Variants in GSG1L observed in about 807,000 individuals in gnomAD.
GSG1L encodes the protein GSG1 like, also known as germ cell-specific gene 1-like protein.
GSG1L carries 24 observed loss-of-function variants against 42.1 expected under a neutral mutation model. That is an observed-to-expected ratio of 0.57 (90% CI 0.41 to 0.80). The LOEUF is 0.80. Ranked by LOEUF, GSG1L falls within the 30% of genes least tolerant of loss-of-function variation. The pLI is 0.00. For synonymous variants in GSG1L, 215 were observed against 203.5 expected, an observed-to-expected ratio of 1.06 and a Z score of -0.48; for missense variants, 445 against 472.2, an observed-to-expected ratio of 0.94 and a Z score of 0.53.
rs147533041 is a variant in GSG1L at position 27,840,619 on chromosome 16, G to A, written c.662+4331C>T. On this transcript the variant is annotated intron_variant, in intron 4 of 6. Transcript: ENST00000447459. ...CGTGTTGGTTACTGTCTCCAAAGCT[G>A]GCCTCCAGGGAGCCACACCTCCCGC... Among the ~76,000 whole-genome samples the A allele has an allele frequency of 1.4e-4, 22 of 152,298 alleles. No individual in the cohort carries two copies. In the East Asian group the frequency reaches 4.2e-3, roughly 29 times the overall value.
intron 2 of GSG1L, among the ~76,000 whole-genome samples, chr16:27,927,828 G>C (rs917459394): frequency 6.6e-6 from 1 of 152,146 alleles, no homozygotes; most frequent in Admixed American, 6.5e-5. Flanking sequence ...AGTTTAAGGA[G>C]CATCGATGCC....
intron 5 of GSG1L, among the ~76,000 whole-genome samples, chr16:27,827,042 G>C (rs1373007738): frequency 6.6e-6 from 1 of 152,170 alleles, no homozygotes; most frequent in Non-Finnish European, 1.5e-5. Flanking sequence ...TTCCATCACT[G>C]TGCAACCTTA....
At chr16:27,985,625 C>A (rs2085373622) in intron 1 of GSG1L, among the ~76,000 whole-genome samples, 1 of 152,012 alleles carries the variant, frequency 6.6e-6, no homozygotes, top group Non-Finnish European at 1.5e-5. Context: ...GGGCAGATCA[C>A]CTGAGGTCGG....
At chr16:27,852,220 A>T (rs533774329) in intron 3 of GSG1L, among the ~76,000 whole-genome samples, 3 of 152,356 alleles carry the variant, frequency 2.0e-5, no homozygotes, top group African/African-American at 7.2e-5. Context: ...GACTTGAGAC[A>T]CAGAGGGGCT....
chr16:27,831,660 C>A (rs2083275606), intron 4 of GSG1L, among the ~76,000 whole-genome samples: 2 of 152,130 alleles, frequency 1.3e-5, no homozygotes, highest in Non-Finnish European at 2.9e-5. Context: ...AGCCCAAGGG[C>A]CCCAGAAACA....
chr16:28,046,854 C>T (rs1282430150), intron 1 of GSG1L, among the ~76,000 whole-genome samples: 3 of 152,210 alleles, frequency 2.0e-5, no homozygotes, highest in South Asian at 4.1e-4. Flanking sequence ...TCACCTGTGG[C>T]CGACTTCCTC....
intron 1 of GSG1L, among the ~76,000 whole-genome samples, chr16:28,014,851 T>C (rs1287094047): frequency 6.6e-6 from 1 of 152,092 alleles, no homozygotes; most frequent in African/African-American, 2.4e-5. Flanking sequence ...CTATTTGGTA[T>C]AATAAACCTT....
intron 3 of GSG1L, among the ~76,000 whole-genome samples, chr16:27,883,362 A>G (rs1223591265): frequency 6.6e-6 from 1 of 152,056 alleles, no homozygotes; most frequent in Non-Finnish European, 1.5e-5. Context: ...ATGGAGGCCA[A>G]ATCCCACATT....
At chr16:27,990,104 A>G (rs1051073312) in intron 1 of GSG1L, among the ~76,000 whole-genome samples, 1 of 152,224 alleles carries the variant, frequency 6.6e-6, no homozygotes, top group Non-Finnish European at 1.5e-5. Flanking sequence ...CCCAACATCA[A>G]GCAGAACAAG....
At chr16:27,811,862 G>A (rs181532885) in intron 5 of GSG1L, among the ~76,000 whole-genome samples, 4 of 152,138 alleles carry the variant, frequency 2.6e-5, no homozygotes, top group South Asian at 2.1e-4. Context: ...TGTTGACCAG[G>A]CTGGTCTCAA....
At chr16:27,979,762 GAAAGAAGGAAAGAAAGAAAGAA>G (rs2085302817) in intron 1 of GSG1L, among the ~76,000 whole-genome samples, 1 of 110,354 alleles carries the variant, frequency 9.1e-6, no homozygotes, top group Non-Finnish European at 1.9e-5. Context: ...AAGAAAGAAA[GAAAGAAGGAAAGAAAGAAAGAA>G]AAAGAAAGAA....
In GSG1L at chr16:28,063,474, C is replaced by T. The variant is rs1431874787; in HGVS notation, c.-50G>A. On this transcript the variant is annotated 5_prime_UTR_variant, in exon 1 of 7. Coordinates refer to ENST00000447459, the MANE Select transcript of GSG1L (RefSeq NM_001109763.2). The surrounding 1 kb of genome is among the most constrained non-coding windows in gnomAD (Gnocchi z 5.8). The stretch of plus-strand genomic sequence containing the variant: ...CTGCACCGCCGGGGAGCTCCGCGCG[C>T]GAAGTTGGCAGCTGGCGCCCCGCGT... 18 of 1,114,770 alleles carry T rather than the reference C, an allele frequency of 1.6e-5. No homozygotes were observed. The highest frequency in any genetic ancestry group is 2.0e-5 in the Non-Finnish European group (18 of 907,646). The allele number at this position is 1,114,770 out of a possible 1,614,324, so 69.1% of individuals were successfully genotyped here. A position where few individuals can be genotyped will look rare whatever the true frequency, so the allele number is the denominator to read the frequency against.
chr16:28,046,020 A>G (rs1184942308), intron 1 of GSG1L, among the ~76,000 whole-genome samples: 1 of 152,200 alleles, frequency 6.6e-6, no homozygotes, highest in Admixed American at 6.5e-5. Context: ...TTAAATAAAA[A>G]TTAAAGACCC....
intron 2 of GSG1L, among the ~76,000 whole-genome samples, chr16:27,893,529 TG>T (rs2084154667): frequency 6.6e-6 from 1 of 152,216 alleles, no homozygotes; most frequent in African/African-American, 2.4e-5. Flanking sequence ...AAGTTAAGTA[TG>T]ACTATTTCTT....
At chr16:27,877,126 C>T (rs753917363) in intron 3 of GSG1L, among the ~76,000 whole-genome samples, 17 of 152,152 alleles carry the variant, frequency 1.1e-4, no homozygotes, top group Non-Finnish European at 1.9e-4. Flanking sequence ...AGCCCCTGAC[C>T]ACTGGGGAGC....
intron 1 of GSG1L, among the ~76,000 whole-genome samples, chr16:28,051,779 G>A (rs2086224762): frequency 6.6e-6 from 1 of 152,218 alleles, no homozygotes; most frequent in African/African-American, 2.4e-5. Flanking sequence ...AGAGAGTAAC[G>A]GGGCAGGTGA....
rs191698344 is a variant in GSG1L, at chr16:28,011,511, C to T, written c.350-48308G>A. Reference sequence around the variant, plus strand: ...CGAAAGAGGCAGACATGGTCCAGATCGAGTCAGTCGTGGCCATGTGTGGCC... The same window carrying T: ...CGAAAGAGGCAGACATGGTCCAGATTGAGTCAGTCGTGGCCATGTGTGGCC... On this transcript the variant is annotated intron_variant, in intron 1 of 6. Coordinates refer to ENST00000447459, the MANE Select transcript of GSG1L (RefSeq NM_001109763.2). 1.3e-4 allele frequency among the ~76,000 whole-genome samples: 20 copies of T among 152,348 alleles called. No individual in the cohort carries two copies. In the South Asian group the frequency reaches 2.7e-3, roughly 20 times the overall value.
At chr16:27,822,164 T>C (rs2083157786) in intron 5 of GSG1L, among the ~76,000 whole-genome samples, 1 of 151,990 alleles carries the variant, frequency 6.6e-6, no homozygotes, top group African/African-American at 2.4e-5. Flanking sequence ...TTTCATAAAG[T>C]CCTCACAACA....
chr16:27,905,126 C>T (rs879623222), intron 2 of GSG1L, among the ~76,000 whole-genome samples: 4 of 152,184 alleles, frequency 2.6e-5, no homozygotes, highest in Non-Finnish European at 5.9e-5. Context: ...TTGAGTCCAT[C>T]CCACTGCATT....
Sources: gnomAD v4.1 joint callset for allele counts (sites outside exome capture counted in the v4.1 genomes callset) on GRCh38, gnomAD v4.1.1 for gene constraint, Gnocchi (gnomAD v3.1) non-coding constraint, MANE v1.5 for transcripts, NCBI Gene and HGNC (gene_info 2026-07-23, HGNC 2026-07-21) for gene names.